The following DNAH11 variants were observed in gnomAD, a reference collection of about 807,000 sequenced individuals.
DNAH11 encodes axonemal beta dynein heavy chain 11.
DNAH11 carries 442 observed loss-of-function variants against 526.0 expected under a neutral mutation model. That is an observed-to-expected ratio of 0.84 (90% confidence interval 0.78 to 0.91). The LOEUF (loss-of-function observed/expected upper bound fraction) is 0.91, where lower values mean the gene tolerates loss of function less well. Ranked by LOEUF, DNAH11 falls within the 40% of genes least tolerant of loss-of-function variation. The probability of loss-of-function intolerance (pLI) is 0.00; values close to 1 mark genes in which losing one functional copy is unlikely to be tolerated. For missense variants in DNAH11, 6,989 were observed against 5,448.7 expected (o/e 1.28, Z -8.90); for synonymous variants, 2,461 against 1,935.9 (o/e 1.27, Z -7.12).
At chr7:21,680,072 A>G (rs371861414) in intron 30 of DNAH11, among the ~76,000 whole-genome samples, 4 of 152,130 alleles carry the variant, frequency 2.6e-5, no homozygotes, top group African/African-American at 4.8e-5. Flanking sequence ...GAAATTGCAC[A>G]TGTTACAGTT....
chr7:21,599,929 A>C lies in DNAH11; in HGVS notation c.2810A>C (p.Gln937Pro). The change falls in exon 15 of 82, where the codon CAA becomes CCA. Residue 937 changes from glutamine to proline, a missense_variant. Transcript: ENST00000409508. ...TTCTTTCTGAAGAATACAGAGAAAC[A>C]ATTGAAACCGGCACCGTTTTTTCAA... ...LDFFLKNTEK[Q>P]LKPAPFFQAQ... is the part of the protein sequence containing the mutation. 6.2e-7 allele frequency: 1 copy of C among 1,613,498 alleles called. No homozygotes were observed. The highest frequency in any genetic ancestry group is 8.5e-7 in the Non-Finnish European group (1 of 1,179,666).
At chr7:21,868,314 T>C (rs911880124) in intron 72 of DNAH11, among the ~76,000 whole-genome samples, 3 of 152,192 alleles carry the variant, frequency 2.0e-5, no homozygotes, top group Non-Finnish European at 4.4e-5. Flanking sequence ...TGTGACTAAA[T>C]AATGGTCATT....
intron 8 of DNAH11, among the ~76,000 whole-genome samples, chr7:21,578,991 C>T (rs534694761): frequency 2.0e-5 from 3 of 152,288 alleles, no homozygotes; most frequent in Non-Finnish European, 4.4e-5. Flanking sequence ...TCACAACAAC[C>T]ATCCAGTTCT....
At chr7:21,671,956 G>C (rs1413471606) in intron 30 of DNAH11, among the ~76,000 whole-genome samples, 1 of 152,196 alleles carries the variant, frequency 6.6e-6, no homozygotes, top group Non-Finnish European at 1.5e-5. Flanking sequence ...TAGGATTAAA[G>C]GAGAAGTAGG....
At chr7:21,875,010 C>T (rs911580363) in intron 74 of DNAH11, among the ~76,000 whole-genome samples, 1 of 152,084 alleles carries the variant, frequency 6.6e-6, no homozygotes, top group Non-Finnish European at 1.5e-5. Flanking sequence ...AATACGTAAA[C>T]CAACATTATG....
chr7:21,809,853 A>G (rs1789432926), intron 63 of DNAH11, among the ~76,000 whole-genome samples: 3 of 152,102 alleles, frequency 2.0e-5, no homozygotes, highest in Admixed American at 1.3e-4. Context: ...GGTGTGAACC[A>G]CTACACCTGG....
intron 75 of DNAH11, among the ~76,000 whole-genome samples, chr7:21,881,362 T>C (rs1418803382): frequency 6.6e-6 from 1 of 152,248 alleles, no homozygotes; most frequent in Non-Finnish European, 1.5e-5. Flanking sequence ...GTCATTATTA[T>C]GTATTAAGGA....
At chr7:21,631,787 C>T (rs1786623775) in intron 25 of DNAH11, among the ~76,000 whole-genome samples, 1 of 152,150 alleles carries the variant, frequency 6.6e-6, no homozygotes, top group South Asian at 2.1e-4. Context: ...GCAGCTTTTC[C>T]AGGTGCACAG....
intron 22 of DNAH11, among the ~76,000 whole-genome samples, chr7:21,616,861 G>A (rs1785805736): frequency 6.6e-6 from 1 of 152,108 alleles, no homozygotes; most frequent in Non-Finnish European, 1.5e-5. Context: ...AGCATCTTTG[G>A]ATAAAGGCAA....
intron 1 of DNAH11, 25 bp from the exon 2 acceptor site, chr7:21,544,981 A>T: frequency 6.5e-7 from 1 of 1,545,458 alleles, no homozygotes; most frequent in Non-Finnish European, 8.7e-7. Flanking sequence ...AACTACTTGA[A>T]CTAATTATCT....
chr7:21,636,579 T>C (rs1222483786), intron 26 of DNAH11, among the ~76,000 whole-genome samples: 1 of 151,944 alleles, frequency 6.6e-6, no homozygotes, highest in Non-Finnish European at 1.5e-5. Flanking sequence ...TACTAAAAAA[T>C]TTTTAATAAT....
In DNAH11 at chr7:21,601,605, A is replaced by T; in HGVS notation, c.3635A>T (p.Tyr1212Phe). ...GGCCAGAAGATGCCTGAGCAGGTCT[A>T]TATTCAGCTAGAGGTAAGTGCAGAG... ...SYGQKMPEQV[Y>F]IQLEELPERW... Residue 1212 changes from tyrosine to phenylalanine, a missense_variant, in exon 18 of 82, where the codon TAT (tyrosine) becomes TTT (phenylalanine). Tyr to Phe is a conservative substitution (Grantham distance 22). Transcript: ENST00000409508. 1 of 1,579,456 alleles carries T rather than the reference A, an allele frequency of 6.3e-7. No individual in the cohort carries two copies. Among genetic ancestry groups the T allele is most frequent in the Non-Finnish European group, 8.6e-7 (1 of 1,158,702 alleles).
rs1060504816 is a variant in DNAH11 at position 21,801,271 on chromosome 7, G to A, written c.10161G>A (p.Glu3387=). The change falls in exon 62 of 82, where the codon GAG becomes GAA. Residue 3387 remains glutamate (E), a synonymous_variant. Coordinates refer to ENST00000409508, the MANE Select transcript of DNAH11 (RefSeq NM_001277115.2). ...KLANRLVKEL[E]AKKIRWGQSI... ...CTAACAGACTTGTCAAGGAACTTGA[G>A]GCAAGTTAAACCTTTTCTTCCAAAC... 2.5e-6 allele frequency: 4 copies of A among 1,613,644 alleles called. No individual in the cohort carries two copies. The highest frequency in any genetic ancestry group is 3.4e-6 in the Non-Finnish European group (4 of 1,179,828).
chr7:21,742,648 T>C (rs1204417597), intron 49 of DNAH11, among the ~76,000 whole-genome samples: 1 of 152,180 alleles, frequency 6.6e-6, no homozygotes, highest in Non-Finnish European at 1.5e-5. Context: ...ACCATTACCA[T>C]ACTGTTAACG....
chr7:21,679,649 C>G (rs1358123210), intron 30 of DNAH11, among the ~76,000 whole-genome samples: 2 of 152,084 alleles, frequency 1.3e-5, no homozygotes, highest in Non-Finnish European at 2.9e-5. Flanking sequence ...TTGTGTTTGA[C>G]TCTAAGTCTG....
At chr7:21,566,451 A>G (rs937505739) in intron 6 of DNAH11, among the ~76,000 whole-genome samples, 4 of 152,178 alleles carry the variant, frequency 2.6e-5, no homozygotes, top group Non-Finnish European at 2.9e-5. Context: ...CCACCCTGCC[A>G]CCAATTTTAC....
intron 63 of DNAH11, among the ~76,000 whole-genome samples, chr7:21,812,536 G>A (rs1259439257): frequency 6.6e-6 from 1 of 152,062 alleles, no homozygotes. Flanking sequence ...ACCCAGCCAG[G>A]TGTGGTGGCA....
At position 21,589,415 on chromosome 7, in the gene DNAH11, A is replaced by T; in HGVS notation, c.2169+12A>T. 4 of 1,584,918 alleles carry T rather than the reference A, an allele frequency of 2.5e-6. No homozygotes were observed. Among genetic ancestry groups the T allele is most frequent in the Non-Finnish European group, 3.4e-6 (4 of 1,167,650 alleles). ...ATTTTGACCCAAAGGTAGGGATTTG[A>T]TTTTTTAAGATGATTTATAAGTGCC... On this transcript the variant is annotated intron_variant, in intron 12 of 81. Coordinates refer to ENST00000409508, the MANE Select transcript of DNAH11 (RefSeq NM_001277115.2).
chr7:21,757,265 G>T (rs954454632), intron 54 of DNAH11, among the ~76,000 whole-genome samples: 8 of 152,156 alleles, frequency 5.3e-5, no homozygotes, highest in African/African-American at 1.9e-4. Context: ...TAACTATAGT[G>T]ATCCTCTTTA....
Sources: allele counts gnomAD v4.1 joint callset (sites outside exome capture counted in the v4.1 genomes callset), GRCh38; gene constraint gnomAD v4.1.1; transcripts MANE v1.5; gene names NCBI Gene and HGNC (gene_info 2026-07-23, HGNC 2026-07-21).